Variants in BAIAP2L1 observed in about 807,000 individuals in gnomAD.
The protein encoded by BAIAP2L1 is BAR/IMD domain-containing adapter protein 2-like 1.
In BAIAP2L1, 35 loss-of-function variants were observed where a neutral mutation model predicts 66.3. The ratio of observed to expected loss-of-function variants is 0.53; its 90% CI spans 0.40 to 0.70. The LOEUF (loss-of-function observed/expected upper bound fraction) is 0.70, where lower values mean the gene tolerates loss of function less well. Among genes scored for constraint, BAIAP2L1 ranks in the 30% least tolerant of loss-of-function variants. The pLI is 0.00. For missense variants in BAIAP2L1, 622 were observed against 656.9 expected, an observed-to-expected ratio of 0.95 and a Z score of 0.58; for synonymous variants, 269 against 248.7, an observed-to-expected ratio of 1.08 and a Z score of -0.77.
At chr7:98,394,870 G>A (rs1468883764) in intron 1 of BAIAP2L1, among the ~76,000 whole-genome samples, 2 of 152,182 alleles carry the variant, frequency 1.3e-5, no homozygotes. Flanking sequence ...CCAGCACTTT[G>A]GGAAGCCGAG....
intron 2 of BAIAP2L1, among the ~76,000 whole-genome samples, chr7:98,360,136 T>A (rs1237275963): frequency 6.6e-6 from 1 of 152,070 alleles, no homozygotes; most frequent in Admixed American, 6.5e-5. Context: ...TTGGCCAGGC[T>A]GGTTTCGAAC....
intron 3 of BAIAP2L1, among the ~76,000 whole-genome samples, 185 bp from the exon 4 acceptor site, chr7:98,320,483 C>A (rs1801212498): frequency 6.6e-6 from 1 of 152,174 alleles, no homozygotes; most frequent in Admixed American, 6.5e-5. Context: ...TACAGGTGTG[C>A]ATCACCATGC....
intron 8 of BAIAP2L1, 119 bp from the exon 9 acceptor site, chr7:98,310,711 G>A (rs4624955): frequency 1.8e-6 from 1 of 549,158 alleles, no homozygotes; most frequent in South Asian, 2.7e-5. Flanking sequence ...TTTTGAGACA[G>A]AGTCTCGCTG....
intron 3 of BAIAP2L1, among the ~76,000 whole-genome samples, chr7:98,335,087 A>G: frequency 7.1e-6 from 1 of 140,206 alleles, no homozygotes; most frequent in East Asian, 2.3e-4. Flanking sequence ...CGGGAGGCGG[A>G]GCTGGCAGTG....
chr7:98,363,506 A>C (rs1048093038), intron 1 of BAIAP2L1, among the ~76,000 whole-genome samples: 2 of 152,222 alleles, frequency 1.3e-5, no homozygotes, highest in Non-Finnish European at 2.9e-5. Context: ...TTCCTGTATC[A>C]GCAGAAAGTC....
intron 9 of BAIAP2L1, chr7:98,309,181 C>G (rs147619640): frequency 1.3e-5 from 2 of 152,202 alleles, no homozygotes; most frequent in Non-Finnish European, 2.9e-5. Flanking sequence ...GACAGAGTCT[C>G]GCTCTGTCGC....
At chr7:98,341,219 G>A (rs533326683) in intron 3 of BAIAP2L1, among the ~76,000 whole-genome samples, 2 of 152,222 alleles carry the variant, frequency 1.3e-5, no homozygotes, top group East Asian at 3.9e-4. Context: ...ATGCTTCTAA[G>A]TAAAACCAGC....
intron 3 of BAIAP2L1, among the ~76,000 whole-genome samples, chr7:98,321,871 G>C (rs1188197824): frequency 6.6e-6 from 1 of 152,184 alleles, no homozygotes; most frequent in Admixed American, 6.5e-5. Context: ...GCTGAGGTGG[G>C]AGTATCACGA....
At chr7:98,400,703 G>A (rs1470752596) in intron 1 of BAIAP2L1, 99 bp downstream of exon 1, 19 of 1,352,420 alleles carry the variant, frequency 1.4e-5, no homozygotes, top group Admixed American at 7.9e-5. Context: ...GCGGGGGAGG[G>A]GAGCTGGAGG....
intron 2 of BAIAP2L1, among the ~76,000 whole-genome samples, chr7:98,356,439 A>G (rs1401135996): frequency 6.6e-6 from 1 of 152,170 alleles, no homozygotes; most frequent in Non-Finnish European, 1.5e-5. Flanking sequence ...CCCAGAGGCT[A>G]TACCAGCTGC....
At position 98,310,505 on chromosome 7, in the gene BAIAP2L1, C is replaced by A. The variant is rs1390139204; in HGVS notation, c.895G>T (p.Asp299Tyr). 1 of 1,606,400 alleles carries A rather than the reference C, an allele frequency of 6.2e-7. No individual in the cohort carries two copies. The highest frequency in any genetic ancestry group is 1.3e-5 in the African/African-American group (1 of 74,488). Residue 299 changes from aspartate (D) to tyrosine (Y), a missense_variant, in exon 9 of 14, where the codon GAT (aspartate) becomes TAT (tyrosine). Asp to Tyr is a radical substitution (Grantham distance 160, BLOSUM62 -3). Transcript: ENST00000005260. ...GCCGTGGCTGGGTTATTAAACATAT[C>A]GATCAAGGGACTGGTATATGCTCTG... Reference protein sequence around the residue: ...SGRAYTSPLIDMFNNPATAAP... With the variant: ...SGRAYTSPLIYMFNNPATAAP...
chr7:98,344,924 G>T (rs887314274), intron 3 of BAIAP2L1, among the ~76,000 whole-genome samples: 1 of 152,152 alleles, frequency 6.6e-6, no homozygotes, highest in African/African-American at 2.4e-5. Context: ...CAACAAGAGC[G>T]AAACTCTGTC....
intron 10 of BAIAP2L1, 24 bp downstream of exon 10, chr7:98,307,665 G>A (rs374666080): frequency 7.4e-6 from 12 of 1,612,428 alleles, no homozygotes; most frequent in Admixed American, 1.7e-5. Flanking sequence ...GGTGCCCTGC[G>A]GGGACCATCA....
At chr7:98,306,674 G>A in intron 10 of BAIAP2L1, 158 bp from the exon 11 acceptor site, 1 of 1,066,830 alleles carries the variant, frequency 9.4e-7, no homozygotes. Flanking sequence ...AGGTAAATAT[G>A]GACTTTCACA....
At chr7:98,365,237 T>C (rs1367435632) in intron 1 of BAIAP2L1, among the ~76,000 whole-genome samples, 1 of 152,112 alleles carries the variant, frequency 6.6e-6, no homozygotes, top group East Asian at 1.9e-4. Context: ...AATTATGTCC[T>C]TCAGGTACAA....
intron 1 of BAIAP2L1, among the ~76,000 whole-genome samples, chr7:98,383,149 C>T (rs1186204138): frequency 1.3e-5 from 2 of 150,968 alleles, no homozygotes; most frequent in East Asian, 3.9e-4. Context: ...GGCAAGAGAC[C>T]AAGACTCTGT....
intron 12 of BAIAP2L1, among the ~76,000 whole-genome samples, chr7:98,299,627 G>A (rs1399345075): frequency 6.6e-6 from 1 of 152,214 alleles, no homozygotes; most frequent in African/African-American, 2.4e-5. Flanking sequence ...AAGTAGCAGG[G>A]ATCACAGGTG....
At chr7:98,369,429 G>C (rs1584491091) in intron 1 of BAIAP2L1, among the ~76,000 whole-genome samples, 1 of 152,324 alleles carries the variant, frequency 6.6e-6, no homozygotes, top group South Asian at 2.1e-4. Flanking sequence ...GTAGCAGTGA[G>C]ATCGTGCCGC....
chr7:98,303,218 C>T (rs1359880920), intron 12 of BAIAP2L1, among the ~76,000 whole-genome samples: 1 of 152,210 alleles, frequency 6.6e-6, no homozygotes, highest in Admixed American at 6.5e-5. Flanking sequence ...GCAGGCACAT[C>T]TTAGAAGCAC....
Sources: allele counts gnomAD v4.1 joint callset (sites outside exome capture counted in the v4.1 genomes callset), GRCh38; gene constraint gnomAD v4.1.1; transcripts MANE v1.5; gene names NCBI Gene and HGNC (gene_info 2026-07-23, HGNC 2026-07-21).